The following EEFSEC variants were observed in gnomAD, a reference collection of about 807,000 sequenced individuals.
EEFSEC encodes the protein eukaryotic elongation factor, selenocysteine-tRNA specific.
EEFSEC carries 43 observed loss-of-function variants against 42.1 expected under a neutral mutation model. The observed-to-expected ratio is 1.02, with a 90% CI of 0.80 to 1.32. EEFSEC has a LOEUF of 1.32. EEFSEC is among the 40% of genes most tolerant of loss of function. The pLI is 0.00. For missense variants in EEFSEC, 745 were observed against 803.6 expected (o/e 0.93, Z 0.88); for synonymous variants, 354 against 339.1 (o/e 1.04, Z -0.48).
intron 4 of EEFSEC, among the ~76,000 whole-genome samples, chr3:128,325,174 A>G (rs1249507189): frequency 6.6e-6 from 1 of 152,142 alleles, no homozygotes; most frequent in Non-Finnish European, 1.5e-5. Flanking sequence ...GTCTGTGCAG[A>G]CCCAGCCAGG....
At chr3:128,331,733 A>G (rs1344674268) in intron 4 of EEFSEC, among the ~76,000 whole-genome samples, 1 of 152,166 alleles carries the variant, frequency 6.6e-6, no homozygotes, top group Non-Finnish European at 1.5e-5. Context: ...TGGAAACTGC[A>G]CACTAAGATA....
chr3:128,257,643 T>C (rs1365797461), intron 2 of EEFSEC, among the ~76,000 whole-genome samples: 1 of 152,254 alleles, frequency 6.6e-6, no homozygotes, highest in Non-Finnish European at 1.5e-5. Context: ...TCCAGAGCAT[T>C]CAATTTAGTT....
chr3:128,293,995 C>T (rs181456932), intron 4 of EEFSEC, among the ~76,000 whole-genome samples: 4 of 152,344 alleles, frequency 2.6e-5, no homozygotes, highest in Admixed American at 6.5e-5. Context: ...CCCCTTTGGA[C>T]GGTAGTCAGA....
intron 4 of EEFSEC, among the ~76,000 whole-genome samples, chr3:128,300,541 GAAAA>G (rs35286505): frequency 7.0e-5 from 6 of 86,068 alleles, no homozygotes; most frequent in African/African-American, 2.1e-4. Flanking sequence ...GACTCTGTCT[GAAAA>G]AAAAAAAAAA....
At chr3:128,412,388 C>A (rs1180089447), downstream of EEFSEC, among the ~76,000 whole-genome samples, 1 of 152,236 alleles carries the variant, frequency 6.6e-6, no homozygotes, top group Non-Finnish European at 1.5e-5. Flanking sequence ...AGATTCCCTT[C>A]CAGAGACCAA....
intron 4 of EEFSEC, among the ~76,000 whole-genome samples, chr3:128,295,756 T>C (rs963357637): frequency 6.6e-6 from 1 of 151,932 alleles, no homozygotes; most frequent in Non-Finnish European, 1.5e-5. Context: ...CACCCCAGCA[T>C]GGCCTGGACC....
chr3:128,256,596 C>T (rs904376031), intron 2 of EEFSEC, among the ~76,000 whole-genome samples: 1 of 152,138 alleles, frequency 6.6e-6, no homozygotes, highest in African/African-American at 2.4e-5. Context: ...TGAATTCGGG[C>T]CTGACTCCAC....
chr3:128,298,291 G>C (rs768638398), intron 4 of EEFSEC, among the ~76,000 whole-genome samples: 9 of 152,162 alleles, frequency 5.9e-5, no homozygotes, highest in Non-Finnish European at 1.0e-4. Context: ...GGAACCACAG[G>C]CATGCACCAC....
At chr3:128,371,975 T>C (rs575002961) in intron 6 of EEFSEC, among the ~76,000 whole-genome samples, 2 of 152,270 alleles carry the variant, frequency 1.3e-5, no homozygotes, top group Non-Finnish European at 2.9e-5. Flanking sequence ...GGACCAGGAG[T>C]GCAGGATCTT....
chr3:128,423,327 A>G, the EEFSEC span, among the ~76,000 whole-genome samples: 8 of 152,334 alleles, frequency 5.3e-5, no homozygotes, highest in African/African-American at 1.4e-4. Context: ...TTAAAAAGGA[A>G]TGAAGGCCAG....
intron 1 of EEFSEC, among the ~76,000 whole-genome samples, chr3:128,190,909 G>T (rs1162057637): frequency 2.0e-5 from 3 of 152,162 alleles, no homozygotes; most frequent in Non-Finnish European, 2.9e-5. Context: ...TCAGCTCACT[G>T]TGCCTCGCCT....
chr3:128,380,686 G>A (rs1425632262), intron 6 of EEFSEC, among the ~76,000 whole-genome samples: 2 of 152,236 alleles, frequency 1.3e-5, no homozygotes, highest in Non-Finnish European at 2.9e-5. Flanking sequence ...CTGGTCAGCG[G>A]TTCTGGTTGA....
intron 5 of EEFSEC, among the ~76,000 whole-genome samples, chr3:128,355,104 G>A (rs955692341): frequency 1.3e-5 from 2 of 152,226 alleles, no homozygotes; most frequent in African/African-American, 4.8e-5. Context: ...TGTGGGACTA[G>A]TGCAGTTGGC....
chr3:128,225,027 C>T (rs1253690736), intron 1 of EEFSEC, among the ~76,000 whole-genome samples: 3 of 152,216 alleles, frequency 2.0e-5, no homozygotes, highest in Admixed American at 6.5e-5. Flanking sequence ...CCGAGTAGGG[C>T]GAAGCATGTA....
chr3:128,322,496 C>T (rs566961254), intron 4 of EEFSEC, among the ~76,000 whole-genome samples: 2 of 152,346 alleles, frequency 1.3e-5, no homozygotes, highest in South Asian at 2.1e-4. Flanking sequence ...GGTGGGGTTT[C>T]GAGGCTTTAC....
intron 4 of EEFSEC, among the ~76,000 whole-genome samples, chr3:128,282,284 C>T (rs2107968291): frequency 6.6e-6 from 1 of 152,362 alleles, no homozygotes; most frequent in Middle Eastern, 3.4e-3. Flanking sequence ...CAGCTCCAGC[C>T]TCCTTCCCTG....
chr3:128,316,298 A>C (rs893045869), intron 4 of EEFSEC, among the ~76,000 whole-genome samples: 5 of 152,202 alleles, frequency 3.3e-5, no homozygotes, highest in African/African-American at 1.2e-4. Flanking sequence ...TTTAATGCAC[A>C]CAAATGCACC....
At chr3:128,251,244 A>G (rs533703809) in intron 2 of EEFSEC, among the ~76,000 whole-genome samples, 16 of 152,270 alleles carry the variant, frequency 1.1e-4, no homozygotes, top group African/African-American at 3.6e-4. Context: ...AGACTGGCTT[A>G]AGTTTCTGTT....
chr3:128,211,136 A>G (rs901425205), intron 1 of EEFSEC, among the ~76,000 whole-genome samples: 3 of 152,390 alleles, frequency 2.0e-5, no homozygotes, highest in South Asian at 4.1e-4. Context: ...ACTAGAGATC[A>G]TAGAGAGCTG....
Sources: gnomAD v4.1 joint callset for allele counts (sites outside exome capture counted in the v4.1 genomes callset) on GRCh38, gnomAD v4.1.1 for gene constraint, MANE v1.5 for transcripts, NCBI Gene and HGNC (gene_info 2026-07-23, HGNC 2026-07-21) for gene names.